The following FGF2 variants were observed in gnomAD, a reference collection of about 807,000 sequenced individuals.
FGF2 encodes fibroblast growth factor 2.
In FGF2, 13 loss-of-function variants were observed where a neutral mutation model predicts 15.9. That is an observed-to-expected ratio of 0.82 (90% CI 0.53 to 1.30). The LOEUF is 1.30. Among genes scored for constraint, FGF2 ranks in the 50% most tolerant of loss-of-function variants. FGF2 has a pLI of 0.00. For synonymous variants in FGF2, 90 were observed against 78.4 expected, an observed-to-expected ratio of 1.15 and a Z score of -0.78; for missense variants, 163 against 196.9, an observed-to-expected ratio of 0.83 and a Z score of 1.03.
At chr4:122,882,538 A>C (rs1209336256) in intron 2 of FGF2, 1 of 152,234 alleles carries the variant, frequency 6.6e-6, no homozygotes, top group Non-Finnish European at 1.5e-5. Context: ...GTTAGTCTTA[A>C]ATGTGTTTCT....
Position 122,826,844 on chromosome 4 carries a change from A to T in FGF2, c.-331A>T, listed in dbSNP as rs1725639505. On this transcript the variant is annotated 5_prime_UTR_variant, in exon 1 of 3. Coordinates refer to ENST00000644866, the MANE Select transcript of FGF2 (RefSeq NM_001361665.2). The stretch of plus-strand genomic sequence containing the variant: ...GGCCCGGCGGGTGCCAGATTAGCGG[A>T]CGCGGTGCCCGCGGTTGCAACGGGA... The T allele has an allele frequency of 6.7e-7, 1 of 1,490,934 alleles. No individual in the cohort carries two copies. The highest frequency in any genetic ancestry group is 9.0e-7 in the Non-Finnish European group (1 of 1,116,312). The allele number at this position is 1,490,934 out of a possible 1,614,324, so 92.4% of individuals were successfully genotyped here. A position where few individuals can be genotyped will look rare whatever the true frequency, so the allele number is the denominator to read the frequency against.
chr4:122,830,841 T>C (rs177814), intron 1 of FGF2, among the ~76,000 whole-genome samples: 9,436 of 81,582 alleles, frequency 0.12, 640 homozygotes, highest in East Asian at 0.32. Flanking sequence ...AAAAAAAAAA[T>C]GAGAGTAGTT....
At chr4:122,835,468 C>T (rs1343663776) in intron 1 of FGF2, among the ~76,000 whole-genome samples, 1 of 151,962 alleles carries the variant, frequency 6.6e-6, no homozygotes, top group African/African-American at 2.4e-5. Flanking sequence ...TCTCAATTTC[C>T]CACTGCTTGG....
At chr4:122,862,753 G>A (rs963187296) in intron 1 of FGF2, among the ~76,000 whole-genome samples, 1 of 152,174 alleles carries the variant, frequency 6.6e-6, no homozygotes. Context: ...CAATTTTGTA[G>A]TTTAGAGCTT....
rs534333370 is a variant in FGF2, at chr4:122,837,831, G to A, written c.178+10479G>A. ...TAACTTTTCATCTAAGCTTTTCTCCGAGTCATATTTTACCTTTAAATGTAA... is the reference window on the plus strand; with the variant it reads ...TAACTTTTCATCTAAGCTTTTCTCCAAGTCATATTTTACCTTTAAATGTAA... On this transcript the variant is annotated intron_variant, in intron 1 of 2. Coordinates refer to ENST00000644866, the MANE Select transcript of FGF2 (RefSeq NM_001361665.2). 1.5e-4 allele frequency among the ~76,000 whole-genome samples: 23 copies of A among 152,074 alleles called. No individual in the cohort carries two copies. In the East Asian group the frequency reaches 3.7e-3, roughly 24 times the overall value.
intron 1 of FGF2, among the ~76,000 whole-genome samples, chr4:122,834,719 A>G (rs1725829093): frequency 6.6e-6 from 1 of 152,182 alleles, no homozygotes; most frequent in Non-Finnish European, 1.5e-5. Flanking sequence ...AAGCTGCCTT[A>G]ATCATTTCTG....
intron 2 of FGF2, chr4:122,884,698 G>C (rs1214960792): frequency 1.3e-5 from 2 of 151,892 alleles, no homozygotes; most frequent in African/African-American, 4.8e-5. Flanking sequence ...TACTGTAAAA[G>C]AATAAACAAC....
In FGF2 at chr4:122,827,263, A is replaced by G; in HGVS notation, c.89A>G (p.Lys30Arg). ...AFPPGHFKDP[K>R]RLYCKNGGFF... ...CCGCCCGGCCACTTCAAGGACCCCA[A>G]GCGGCTGTACTGCAAAAACGGGGGC... Residue 30 changes from lysine (K) to arginine (R), a missense_variant, in exon 1 of 3, where the codon AAG (lysine) becomes AGG (arginine). Coordinates refer to ENST00000644866, the MANE Select transcript of FGF2 (RefSeq NM_001361665.2). The surrounding 1 kb of genome is among the most constrained non-coding windows in gnomAD (Gnocchi z 4.2). 6.2e-7 allele frequency: 1 copy of G among 1,612,548 alleles called. No homozygotes were observed. The highest frequency in any genetic ancestry group is 8.5e-7 in the Non-Finnish European group (1 of 1,179,770).
chr4:122,830,043 AC>A (rs1453436834), intron 1 of FGF2, among the ~76,000 whole-genome samples: 1 of 152,186 alleles, frequency 6.6e-6, no homozygotes, highest in Non-Finnish European at 1.5e-5. Flanking sequence ...CATTCCTCAG[AC>A]TGTTTTGTCC....
At chr4:122,889,806 T>G (rs978678589) in intron 2 of FGF2, among the ~76,000 whole-genome samples, 1 of 152,236 alleles carries the variant, frequency 6.6e-6, no homozygotes, top group Non-Finnish European at 1.5e-5. Context: ...GTTTCTTTTC[T>G]CTGAAATATT....
chr4:122,866,796 G>T (rs1349836020), intron 1 of FGF2, among the ~76,000 whole-genome samples: 6 of 152,182 alleles, frequency 3.9e-5, no homozygotes, highest in African/African-American at 1.4e-4. Flanking sequence ...ATTAAACATA[G>T]AGTTACCATA....
At chr4:122,846,484 C>T (rs1726111367) in intron 1 of FGF2, among the ~76,000 whole-genome samples, 1 of 152,072 alleles carries the variant, frequency 6.6e-6, no homozygotes, top group African/African-American at 2.4e-5. Context: ...GGAAGGGTCT[C>T]CATTTTATTA....
chr4:122,850,758 G>A (rs1393199121), intron 1 of FGF2, among the ~76,000 whole-genome samples: 1 of 152,108 alleles, frequency 6.6e-6, no homozygotes, highest in Non-Finnish European at 1.5e-5. Flanking sequence ...AATCTCACAA[G>A]AAGAAGGGAG....
At chr4:122,858,707 C>T (rs1726391730) in intron 1 of FGF2, among the ~76,000 whole-genome samples, 1 of 152,016 alleles carries the variant, frequency 6.6e-6, no homozygotes, top group Non-Finnish European at 1.5e-5. Context: ...CAAATTAGTT[C>T]CTTTTGTTAC....
At chr4:122,872,812 G>C (rs1726767497) in intron 1 of FGF2, among the ~76,000 whole-genome samples, 1 of 152,128 alleles carries the variant, frequency 6.6e-6, no homozygotes, top group South Asian at 2.1e-4. Context: ...ATCCTTTCCA[G>C]ACAAGCAGAT....
intron 2 of FGF2, among the ~76,000 whole-genome samples, chr4:122,887,419 C>G (rs146000538): frequency 8.5e-5 from 13 of 152,318 alleles, no homozygotes; most frequent in East Asian, 1.9e-4. Flanking sequence ...CAGTCCCCCC[C>G]ACTTGCTTGT....
chr4:122,849,665 A>T (rs1167253029), intron 1 of FGF2, among the ~76,000 whole-genome samples: 4 of 152,182 alleles, frequency 2.6e-5, no homozygotes, highest in Admixed American at 2.6e-4. Flanking sequence ...GTGTGGGTAG[A>T]TACATTTTAA....
In FGF2 at chr4:122,896,827, C is replaced by T. The variant is rs1413563776; in HGVS notation, c.*4431C>T. On this transcript the variant is annotated 3_prime_UTR_variant, in exon 3 of 3. Transcript: ENST00000644866. ...AAAATTGCCTTAATATCATTGTTGGCTAAATAGAATAGGGGACATGCATAT... is the reference window on the plus strand; with the variant it reads ...AAAATTGCCTTAATATCATTGTTGGTTAAATAGAATAGGGGACATGCATAT... 1.3e-5 allele frequency: 2 copies of T among 151,956 alleles called. No homozygotes were observed. The highest frequency in any genetic ancestry group is 1.9e-4 in the East Asian group (1 of 5,184). 9.4% of individuals were successfully genotyped at this position (151,956 alleles called of 1,614,324 possible).
intron 1 of FGF2, among the ~76,000 whole-genome samples, chr4:122,844,575 CTTTCTTTCTTT>C (rs1726065374): frequency 2.3e-5 from 3 of 131,454 alleles, no homozygotes; most frequent in African/African-American, 6.2e-5. Context: ...CTTTCTTTTT[CTTTCTTTCTTT>C]CTTCCTTCCT....
Sources: gnomAD v4.1 joint callset for allele counts (sites outside exome capture counted in the v4.1 genomes callset) on GRCh38, gnomAD v4.1.1 for gene constraint, Gnocchi (gnomAD v3.1) non-coding constraint, MANE v1.5 for transcripts, NCBI Gene and HGNC (gene_info 2026-07-23, HGNC 2026-07-21) for gene names.